Variants in SGCZ observed in about 807,000 individuals in gnomAD.
SGCZ encodes the protein sarcoglycan zeta.
SGCZ carries 40 observed loss-of-function variants against 41.3 expected under a neutral mutation model. That is an observed-to-expected ratio of 0.97 (90% CI 0.75 to 1.26). The LOEUF (loss-of-function observed/expected upper bound fraction) is 1.26. SGCZ is among the 50% of genes most tolerant of loss of function. The pLI is 0.00. For missense variants in SGCZ, 552 were observed against 369.8 expected (o/e 1.49, Z -4.04); for synonymous variants, 206 against 137.5 (o/e 1.50, Z -3.49).
At chr8:14,933,241 C>G (rs1563373075) in intron 1 of SGCZ, among the ~76,000 whole-genome samples, 1 of 151,712 alleles carries the variant, frequency 6.6e-6, no homozygotes, top group Admixed American at 6.6e-5. Flanking sequence ...AAAATAAGAG[C>G]TGGAAAAAAA....
At chr8:14,946,075 T>C (rs1196347429) in intron 1 of SGCZ, among the ~76,000 whole-genome samples, 1 of 129,810 alleles carries the variant, frequency 7.7e-6, no homozygotes, top group Non-Finnish European at 1.6e-5. Flanking sequence ...TGTATACTAT[T>C]GGTTCTGTCC....
At chr8:15,100,362 C>T (rs1275600168) in intron 1 of SGCZ, among the ~76,000 whole-genome samples, 1 of 152,034 alleles carries the variant, frequency 6.6e-6, no homozygotes, top group Non-Finnish European at 1.5e-5. Flanking sequence ...TTATTACACA[C>T]ACATCAAAGA....
intron 1 of SGCZ, among the ~76,000 whole-genome samples, chr8:14,581,003 T>A (rs1453295412): frequency 6.6e-6 from 1 of 152,248 alleles, no homozygotes; most frequent in East Asian, 1.9e-4. Flanking sequence ...CCATAGCTAC[T>A]GCATTACACT....
intron 1 of SGCZ, among the ~76,000 whole-genome samples, chr8:15,167,273 G>A (rs1799692925): frequency 6.6e-6 from 1 of 152,214 alleles, no homozygotes; most frequent in Non-Finnish European, 1.5e-5. Flanking sequence ...TGACTGGATA[G>A]GTATGCTTCC....
chr8:14,177,804 G>A (rs1212582165), intron 4 of SGCZ, among the ~76,000 whole-genome samples: 1 of 149,760 alleles, frequency 6.7e-6, no homozygotes, highest in Non-Finnish European at 1.5e-5. Flanking sequence ...GATTACAGGC[G>A]TGAGCCACTG....
At chr8:14,719,616 AT>A (rs1212981429) in intron 1 of SGCZ, among the ~76,000 whole-genome samples, 2 of 151,918 alleles carry the variant, frequency 1.3e-5, no homozygotes, top group African/African-American at 4.8e-5. Context: ...GATGGTGAGC[AT>A]TTTTTCATGT....
At chr8:14,129,388 C>A (rs1802966584) in intron 5 of SGCZ, among the ~76,000 whole-genome samples, 1 of 137,774 alleles carries the variant, frequency 7.3e-6, no homozygotes, top group Non-Finnish European at 1.6e-5. Flanking sequence ...CTCTTGTACT[C>A]ATAAATTTAT....
At chr8:14,267,318 A>G (rs945950582) in intron 3 of SGCZ, among the ~76,000 whole-genome samples, 2 of 152,072 alleles carry the variant, frequency 1.3e-5, no homozygotes, top group Non-Finnish European at 2.9e-5. Flanking sequence ...TGAGCAAAAT[A>G]ACCCCACGGG....
rs74409477 is a variant in SGCZ at position 14,473,194 on chromosome 8, G to T, written c.234+81538C>A. ...ATACTTATTAAAATGTATTACAAAG[G>T]TTTATGAAGTACTCTCTTTATGTAT... On this transcript the variant is annotated intron_variant, in intron 2 of 7. Transcript: ENST00000382080. Among the ~76,000 whole-genome samples, 918 of 151,968 alleles carry T rather than the reference G, an allele frequency of 6.0e-3. 10 individuals carry two copies. The highest frequency in any genetic ancestry group is 0.021 in the African/African-American group (890 of 41,434).
At chr8:14,983,641 A>T (rs1452198355) in intron 1 of SGCZ, among the ~76,000 whole-genome samples, 1 of 152,132 alleles carries the variant, frequency 6.6e-6, no homozygotes, top group Non-Finnish European at 1.5e-5. Context: ...CACCGTGCCC[A>T]GCCTTGTCAC....
At chr8:15,017,885 T>A (rs114244344) in intron 1 of SGCZ, among the ~76,000 whole-genome samples, 4 of 152,094 alleles carry the variant, frequency 2.6e-5, no homozygotes, top group Non-Finnish European at 5.9e-5. Flanking sequence ...AATGCTCTTA[T>A]CTCTTTGCAA....
intron 5 of SGCZ, among the ~76,000 whole-genome samples, chr8:14,156,442 C>T (rs975467080): frequency 6.6e-5 from 10 of 152,082 alleles, no homozygotes; most frequent in South Asian, 4.1e-4. Context: ...GCCTGGGTGA[C>T]GGAGTGAGAC....
At chr8:14,893,503 AT>A (rs1585355829) in intron 1 of SGCZ, among the ~76,000 whole-genome samples, 1 of 152,282 alleles carries the variant, frequency 6.6e-6, no homozygotes, top group East Asian at 1.9e-4. Flanking sequence ...GACAAATTGG[AT>A]TTCTCTTTTC....
At chr8:15,101,602 T>C (rs565980965) in intron 1 of SGCZ, among the ~76,000 whole-genome samples, 5 of 152,222 alleles carry the variant, frequency 3.3e-5, no homozygotes, top group East Asian at 3.9e-4. Context: ...AGTGGAACAA[T>C]AGAAATTCTC....
At chr8:14,530,190 G>A (rs957965478) in intron 2 of SGCZ, among the ~76,000 whole-genome samples, 2 of 151,556 alleles carry the variant, frequency 1.3e-5, no homozygotes, top group African/African-American at 4.8e-5. Context: ...TTCTTAAGAG[G>A]CCTAAGCTAA....
chr8:15,068,352 A>T (rs918220708), intron 1 of SGCZ, among the ~76,000 whole-genome samples: 2 of 152,192 alleles, frequency 1.3e-5, no homozygotes, highest in Admixed American at 1.3e-4. Flanking sequence ...CCACACTGTA[A>T]CCCACTGGTA....
chr8:14,472,523 A>G (rs1034904054), intron 2 of SGCZ, among the ~76,000 whole-genome samples: 2 of 152,056 alleles, frequency 1.3e-5, no homozygotes, highest in Non-Finnish European at 2.9e-5. Flanking sequence ...GAAAGACCCA[A>G]AGTAGTTTCA....
chr8:14,843,755 T>C (rs1803004828), intron 1 of SGCZ, among the ~76,000 whole-genome samples: 1 of 152,050 alleles, frequency 6.6e-6, no homozygotes, highest in Admixed American at 6.6e-5. Context: ...GCCAAGAACT[T>C]CATAAATATT....
intron 1 of SGCZ, among the ~76,000 whole-genome samples, chr8:14,893,281 C>G (rs76901793): frequency 0.057 from 8,657 of 152,086 alleles, 308 homozygotes; most frequent in Admixed American, 0.08. Context: ...GTGGGGAGCT[C>G]TTAGAAGCCA....
Sources: allele counts gnomAD v4.1 joint callset (sites outside exome capture counted in the v4.1 genomes callset), GRCh38; gene constraint gnomAD v4.1.1; transcripts MANE v1.5; gene names NCBI Gene and HGNC (gene_info 2026-07-23, HGNC 2026-07-21).